The following ADGRL3 variants were observed in gnomAD, a reference collection of about 807,000 sequenced individuals.
ADGRL3 encodes calcium-independent alpha-latrotoxin receptor 3.
Under a neutral mutation model 153.5 loss-of-function variants are expected in ADGRL3, and 62 were observed. The observed-to-expected ratio is 0.40, with a 90% CI of 0.33 to 0.50. ADGRL3 has a LOEUF of 0.50. ADGRL3 is among the 20% of genes least tolerant of loss of function. ADGRL3 has a pLI of 0.47. For missense variants in ADGRL3, 1,641 were observed against 1,859.4 expected (o/e 0.88, Z 2.16); for synonymous variants, 710 against 672.5 (o/e 1.06, Z -0.86).
chr4:61,713,134 G>C (rs1160036570), intron 6 of ADGRL3, among the ~76,000 whole-genome samples: 1 of 152,080 alleles, frequency 6.6e-6, no homozygotes, highest in Non-Finnish European at 1.5e-5. Context: ...TCGCTAGCTT[G>C]ACTCTGGAGC....
intron 8 of ADGRL3, among the ~76,000 whole-genome samples, chr4:61,735,170 C>A (rs571053751): frequency 6.6e-6 from 1 of 152,044 alleles, no homozygotes; most frequent in Non-Finnish European, 1.5e-5. Flanking sequence ...TGTAATACAT[C>A]GCATATATAT....
At chr4:61,577,103 C>A (rs1389266043) in intron 4 of ADGRL3, among the ~76,000 whole-genome samples, 1 of 150,540 alleles carries the variant, frequency 6.6e-6, no homozygotes, top group Admixed American at 6.6e-5. Flanking sequence ...CAAAACAAAA[C>A]AAAAATTATA....
At chr4:61,251,522 G>A (rs918373521) in intron 1 of ADGRL3, among the ~76,000 whole-genome samples, 4 of 152,168 alleles carry the variant, frequency 2.6e-5, no homozygotes, top group Admixed American at 2.6e-4. Context: ...AAGGTGAAAG[G>A]ACACCGACGT....
intron 8 of ADGRL3, among the ~76,000 whole-genome samples, chr4:61,768,391 C>T (rs184401975): frequency 1.4e-4 from 22 of 151,846 alleles, no homozygotes; most frequent in Admixed American, 3.9e-4. Flanking sequence ...AAAGACTCAG[C>T]GACGCTTGGG....
chr4:61,765,715 G>C (rs1387110482), intron 8 of ADGRL3, among the ~76,000 whole-genome samples: 1 of 152,062 alleles, frequency 6.6e-6, no homozygotes, highest in African/African-American at 2.4e-5. Context: ...TACCTATCCA[G>C]TGAAATTATC....
intron 2 of ADGRL3, among the ~76,000 whole-genome samples, chr4:61,388,330 CA>C (rs1425195980): frequency 6.6e-6 from 1 of 152,160 alleles, no homozygotes; most frequent in Non-Finnish European, 1.5e-5. Flanking sequence ...AAATACACTA[CA>C]GTTTTTTGAG....
chr4:61,931,851 A>C (rs1177023472), intron 13 of ADGRL3, among the ~76,000 whole-genome samples: 1 of 152,036 alleles, frequency 6.6e-6, no homozygotes, highest in African/African-American at 2.4e-5. Context: ...AAAATATTGC[A>C]CCTTGTAGTT....
At chr4:61,359,351 T>C (rs1478757544) in intron 1 of ADGRL3, among the ~76,000 whole-genome samples, 7 of 152,192 alleles carry the variant, frequency 4.6e-5, no homozygotes, top group Admixed American at 6.5e-5. Flanking sequence ...TTTCTGCTCA[T>C]GAAATAAAAG....
At chr4:61,891,683 A>C (rs1172805631) in intron 9 of ADGRL3, among the ~76,000 whole-genome samples, 6 of 152,156 alleles carry the variant, frequency 3.9e-5, no homozygotes, top group African/African-American at 1.2e-4. Flanking sequence ...CTCCTTAAAC[A>C]TGAGTGATCT....
intron 8 of ADGRL3, among the ~76,000 whole-genome samples, chr4:61,804,065 A>G (rs766523743): frequency 6.6e-6 from 1 of 152,198 alleles, no homozygotes; most frequent in Admixed American, 6.5e-5. Flanking sequence ...AAATTTCACT[A>G]TAGGAAGTTG....
At chr4:61,538,255 C>T (rs974354146) in intron 4 of ADGRL3, among the ~76,000 whole-genome samples, 5 of 141,086 alleles carry the variant, frequency 3.5e-5, no homozygotes, top group African/African-American at 1.3e-4. Flanking sequence ...TTGTGTGCTT[C>T]TTTGTTGTGA....
chr4:62,055,678 T>C (rs182454200), intron 25 of ADGRL3, among the ~76,000 whole-genome samples: 1 of 151,942 alleles, frequency 6.6e-6, no homozygotes, highest in East Asian at 1.9e-4. Flanking sequence ...GTTGTTTTTT[T>C]TAATAAGTGA....
At chr4:61,335,774 A>G (rs1020735802) in intron 1 of ADGRL3, among the ~76,000 whole-genome samples, 2 of 152,196 alleles carry the variant, frequency 1.3e-5, no homozygotes, top group African/African-American at 4.8e-5. Flanking sequence ...ATGTGTGTGA[A>G]AAGAGCTGCA....
At chr4:61,664,463 G>C (rs2150646947) in intron 5 of ADGRL3, among the ~76,000 whole-genome samples, 1 of 152,234 alleles carries the variant, frequency 6.6e-6, no homozygotes, top group Middle Eastern at 3.4e-3. Context: ...GATAATCACT[G>C]TTGCTATAGA....
intron 1 of ADGRL3, among the ~76,000 whole-genome samples, chr4:61,379,686 T>C (rs1359217475): frequency 2.0e-5 from 3 of 152,082 alleles, no homozygotes; most frequent in East Asian, 1.9e-4. Context: ...TTGGAATTAA[T>C]GTCACTTGGA....
intron 2 of ADGRL3, among the ~76,000 whole-genome samples, chr4:61,479,759 G>A (rs2098112240): frequency 6.6e-6 from 1 of 152,068 alleles, no homozygotes; most frequent in African/African-American, 2.4e-5. Flanking sequence ...TTAAAATTTG[G>A]ATATTCATAT....
In ADGRL3 at chr4:62,008,740, T is replaced by C. The variant is rs538789588; in HGVS notation, c.3395+10475T>C. 3.3e-5 allele frequency among the ~76,000 whole-genome samples: 5 copies of C among 151,746 alleles called. No homozygotes were observed. In the South Asian group the frequency reaches 1.0e-3, roughly 31 times the overall value. Reference sequence around the variant, plus strand: ...ATGTATATATGCATGTGTGTGTATATATAGATACAAATATACATATATATG... The same window carrying C: ...ATGTATATATGCATGTGTGTGTATACATAGATACAAATATACATATATATG... On this transcript the variant is annotated intron_variant, in intron 21 of 26. Coordinates refer to ENST00000683033, the MANE Select transcript of ADGRL3 (RefSeq NM_001387552.1).
At chr4:61,874,596 GT>G (rs11335054) in intron 9 of ADGRL3, among the ~76,000 whole-genome samples, 74,044 of 144,950 alleles carry the variant, frequency 0.51, 19,216 homozygotes, top group Middle Eastern at 0.57. Flanking sequence ...GTTTGCATGT[GT>G]TTTTTTTTTT....
At chr4:62,028,136 T>C (rs1296843771) in intron 21 of ADGRL3, among the ~76,000 whole-genome samples, 1 of 151,760 alleles carries the variant, frequency 6.6e-6, no homozygotes, top group East Asian at 1.9e-4. Context: ...AAGCAAAAAA[T>C]ACATTTATAA....
Sources: gnomAD v4.1 joint callset for allele counts (sites outside exome capture counted in the v4.1 genomes callset) on GRCh38, gnomAD v4.1.1 for gene constraint, MANE v1.5 for transcripts, NCBI Gene and HGNC (gene_info 2026-07-23, HGNC 2026-07-21) for gene names.